Variants in MAML3 observed in about 807,000 individuals in gnomAD.
MAML3 encodes mastermind like transcriptional coactivator 3, also known as mastermind-like protein 3.
A neutral mutation model predicts 101.9 loss-of-function variants in MAML3; 27 were observed. That is an observed-to-expected ratio of 0.27 (90% CI 0.20 to 0.37). MAML3 has a LOEUF of 0.37. Among genes scored for constraint, MAML3 ranks in the 10% least tolerant of loss-of-function variants. The probability of loss-of-function intolerance (pLI) is 1.00; values close to 1 mark genes in which losing one functional copy is unlikely to be tolerated. For synonymous variants in MAML3, 501 were observed against 555.9 expected, an observed-to-expected ratio of 0.90 and a Z score of 1.39; for missense variants, 1,316 against 1,444.9, an observed-to-expected ratio of 0.91 and a Z score of 1.45.
chr4:140,063,868 C>A (rs2056946119), intron 1 of MAML3, among the ~76,000 whole-genome samples: 1 of 151,942 alleles, frequency 6.6e-6, no homozygotes, highest in Non-Finnish European at 1.5e-5. Context: ...CATACGGTAG[C>A]ACTATGATAC....
chr4:140,001,769 ATT>A (rs1734928954), intron 1 of MAML3, among the ~76,000 whole-genome samples: 1 of 152,188 alleles, frequency 6.6e-6, no homozygotes, highest in Non-Finnish European at 1.5e-5. Flanking sequence ...GTTTACCTCT[ATT>A]TAATCATATC....
At chr4:140,059,744 A>G (rs1053611761) in intron 1 of MAML3, among the ~76,000 whole-genome samples, 4 of 152,200 alleles carry the variant, frequency 2.6e-5, no homozygotes, top group African/African-American at 9.6e-5. Flanking sequence ...TGTGTCTACA[A>G]GAGCTAAAGA....
rs532965815 is a variant in MAML3, at chr4:139,878,911, T to C, written c.2079+10446A>G. ...TTTGCGGTCTGTCTTTCTATAGATC[T>C]TAAGGAAAGCAGCCTGGCACTATAA... On this transcript the variant is annotated intron_variant, in intron 2 of 4. Coordinates refer to ENST00000509479, the MANE Select transcript of MAML3 (RefSeq NM_018717.5). Among the ~76,000 whole-genome samples the C allele has an allele frequency of 6.6e-5, 10 of 152,214 alleles. No homozygotes were observed. The South Asian group carries it at 2.1e-3, about 32-fold the overall frequency.
intron 2 of MAML3, among the ~76,000 whole-genome samples, chr4:139,870,174 C>A (rs1189203518): frequency 6.6e-6 from 1 of 152,224 alleles, no homozygotes; most frequent in African/African-American, 2.4e-5. Flanking sequence ...GTACTATCGA[C>A]ATTTTGGGCT....
At chr4:139,839,379 C>A (rs754351382) in intron 2 of MAML3, among the ~76,000 whole-genome samples, 2 of 152,106 alleles carry the variant, frequency 1.3e-5, no homozygotes, top group Non-Finnish European at 2.9e-5. Context: ...GGATCAATTG[C>A]TTTTGCCATG....
chr4:139,930,986 G>A (rs1339327098), intron 1 of MAML3, among the ~76,000 whole-genome samples: 2 of 152,038 alleles, frequency 1.3e-5, no homozygotes, highest in Non-Finnish European at 1.5e-5. Context: ...CTAAAAAAAA[G>A]GGGTAACAGA....
intron 1 of MAML3, among the ~76,000 whole-genome samples, chr4:140,023,458 T>C (rs4863526): frequency 0.58 from 87,953 of 152,072 alleles, 26,571 homozygotes; most frequent in African/African-American, 0.71. Flanking sequence ...AGGAGCAGCC[T>C]AGACAATGGA....
chr4:140,018,017 T>C (rs1446841493), intron 1 of MAML3, among the ~76,000 whole-genome samples: 1 of 151,938 alleles, frequency 6.6e-6, no homozygotes, highest in Admixed American at 6.6e-5. Flanking sequence ...ATTTTAAAAA[T>C]ACAAAAAGGA....
intron 2 of MAML3, among the ~76,000 whole-genome samples, chr4:139,761,745 T>C (rs1242530282): frequency 1.3e-5 from 2 of 151,688 alleles, no homozygotes; most frequent in African/African-American, 2.4e-5. Flanking sequence ...GTGAGGCAAG[T>C]GCAGTGATAG....
intron 1 of MAML3, among the ~76,000 whole-genome samples, chr4:140,011,076 C>T (rs1271931296): frequency 2.3e-5 from 3 of 131,272 alleles, no homozygotes; most frequent in Non-Finnish European, 3.2e-5. Flanking sequence ...CTAGCCTGGG[C>T]GACAGGGCTA....
intron 1 of MAML3, among the ~76,000 whole-genome samples, chr4:140,066,199 A>G (rs889542943): frequency 1.3e-5 from 2 of 152,238 alleles, no homozygotes; most frequent in Non-Finnish European, 2.9e-5. Flanking sequence ...TGAGCAGCAA[A>G]CAGACCTGAG....
chr4:139,859,139 C>CATGTCCCAG (rs1731718882), intron 2 of MAML3, among the ~76,000 whole-genome samples: 1 of 152,048 alleles, frequency 6.6e-6, no homozygotes, highest in Non-Finnish European at 1.5e-5. Flanking sequence ...TTAGTCAAAT[C>CATGTCCCAG]ATGTCCCAGG....
rs1730292679 is a variant in MAML3 at position 139,785,612 on chromosome 4, C to T, written c.2080-54945G>A. On this transcript the variant is annotated intron_variant, in intron 2 of 4. Coordinates refer to ENST00000509479, the MANE Select transcript of MAML3 (RefSeq NM_018717.5). This position sits in a 1 kb window ranked among gnomAD's most constrained non-coding sequence, Gnocchi z 4.3. ...TCACCCAGCACGAACAATATGGCTC[C>T]CCAGCGCCTGGGGCACTGCATGGAG... Among the ~76,000 whole-genome samples, 1 of 152,166 alleles carries T rather than the reference C, an allele frequency of 6.6e-6. No homozygotes were observed. The highest frequency in any genetic ancestry group is 1.5e-5 in the Non-Finnish European group (1 of 68,030).
intron 1 of MAML3, among the ~76,000 whole-genome samples, chr4:139,915,559 T>C (rs1179221909): frequency 1.3e-5 from 2 of 152,234 alleles, no homozygotes; most frequent in Non-Finnish European, 2.9e-5. Context: ...CTCAGAAATG[T>C]CCGTGTAGGC....
intron 2 of MAML3, among the ~76,000 whole-genome samples, chr4:139,766,848 C>A (rs1300675379): frequency 6.6e-6 from 1 of 152,236 alleles, no homozygotes; most frequent in Non-Finnish European, 1.5e-5. Flanking sequence ...TCCCTGCAGA[C>A]CAGCTCTGCA....
chr4:140,089,091 A>T (rs536928245), intron 1 of MAML3, among the ~76,000 whole-genome samples: 1 of 152,356 alleles, frequency 6.6e-6, no homozygotes, highest in South Asian at 2.1e-4. Context: ...TATTGTAAAC[A>T]CAAAATAAAT....
At chr4:139,840,396 G>A (rs771678384) in intron 2 of MAML3, among the ~76,000 whole-genome samples, 12 of 152,144 alleles carry the variant, frequency 7.9e-5, no homozygotes, top group Non-Finnish European at 1.8e-4. Flanking sequence ...ACTTCTCAGA[G>A]CTTCGTGATT....
intron 2 of MAML3, among the ~76,000 whole-genome samples, chr4:139,871,412 C>A (rs1361619600): frequency 6.6e-6 from 1 of 152,132 alleles, no homozygotes. Context: ...AAATTTGACG[C>A]CTTTCTTCCT....
chr4:140,147,472 G>C (rs72937716), intron 1 of MAML3, among the ~76,000 whole-genome samples: 1 of 152,032 alleles, frequency 6.6e-6, no homozygotes, highest in African/African-American at 2.4e-5. Context: ...CTTTGATAAC[G>C]GTGTTAAAGA....
Sources: allele counts gnomAD v4.1 joint callset (sites outside exome capture counted in the v4.1 genomes callset), GRCh38; gene constraint gnomAD v4.1.1; non-coding constraint Gnocchi (gnomAD v3.1); transcripts MANE v1.5; gene names NCBI Gene and HGNC (gene_info 2026-07-23, HGNC 2026-07-21).